The following SEMA5A variants were observed in gnomAD, a reference collection of about 807,000 sequenced individuals.
SEMA5A encodes semaphorin-5A.
In SEMA5A, 55 loss-of-function variants were observed where a neutral mutation model predicts 135.5. That is an observed-to-expected ratio of 0.41 (90% confidence interval 0.33 to 0.51). The LOEUF (loss-of-function observed/expected upper bound fraction) is 0.51, where lower values mean the gene tolerates loss of function less well. Among genes scored for constraint, SEMA5A ranks in the 20% least tolerant of loss-of-function variants. The pLI is 0.37. For missense variants in SEMA5A, 1,290 were observed against 1,419.9 expected, an observed-to-expected ratio of 0.91 and a Z score of 1.47; for synonymous variants, 580 against 546.5, an observed-to-expected ratio of 1.06 and a Z score of -0.85.
At chr5:9,393,754 C>A (rs1377125582) in intron 2 of SEMA5A, among the ~76,000 whole-genome samples, 1 of 152,116 alleles carries the variant, frequency 6.6e-6, no homozygotes, top group African/African-American at 2.4e-5. Flanking sequence ...AAAACCAGTT[C>A]AGTGTTTAAT....
chr5:9,264,288 G>A (rs1185518769), intron 5 of SEMA5A, among the ~76,000 whole-genome samples: 1 of 152,022 alleles, frequency 6.6e-6, no homozygotes, highest in Non-Finnish European at 1.5e-5. Context: ...AAAAAAGCAG[G>A]AGCCCAGAAG....
intron 5 of SEMA5A, among the ~76,000 whole-genome samples, chr5:9,305,523 G>A (rs1266999177): frequency 1.3e-5 from 2 of 151,732 alleles, no homozygotes; most frequent in African/African-American, 4.8e-5. Flanking sequence ...GCTTAATCTG[G>A]GTGGGATTTT....
chr5:9,330,315 G>A (rs1169965845), intron 4 of SEMA5A, among the ~76,000 whole-genome samples: 7 of 151,680 alleles, frequency 4.6e-5, no homozygotes, highest in African/African-American at 9.7e-5. Context: ...GCGTGAACCC[G>A]GGAGGCGGAG....
intron 2 of SEMA5A, among the ~76,000 whole-genome samples, chr5:9,391,851 C>A (rs2126530912): frequency 6.6e-6 from 1 of 152,284 alleles, no homozygotes; most frequent in African/African-American, 2.4e-5. Context: ...CAATAGATCT[C>A]TTTGCAACCT....
Position 9,036,962 on chromosome 5 carries a change from T to C in SEMA5A, c.*5935A>G, listed in dbSNP as rs1735685039. The C allele has an allele frequency of 6.6e-6, 1 of 152,384 alleles. No individual in the cohort carries two copies. Among genetic ancestry groups the C allele is most frequent in the South Asian group, 2.1e-4 (1 of 4,832 alleles). The allele number at this position is 152,384 out of a possible 1,614,324, so 9.4% of individuals were successfully genotyped here. A position where few individuals can be genotyped will look rare whatever the true frequency, so the allele number is the denominator to read the frequency against. On this transcript the variant is annotated 3_prime_UTR_variant, in exon 23 of 23. Transcript: ENST00000382496. ...GTCCAGATTTTGCTCTCAGCTTGTA[T>C]TTATCAAACATTTGAATCATTTTAT...
In SEMA5A at chr5:9,050,417, C is replaced by A. The variant is rs763583422; in HGVS notation, c.2886G>T (p.Arg962Ser). The change falls in exon 21 of 23, where the codon AGG (arginine) becomes AGT (serine). Residue 962 changes from arginine to serine, a missense_variant. Transcript: ENST00000382496. Reference sequence around the variant, plus strand: ...TTAAAAGGAATAACGTACCTCCACACCTTTTCTCTTCTACGCTACTGGATC... The same window carrying A: ...TTAAAAGGAATAACGTACCTCCACAACTTTTCTCTTCTACGCTACTGGATC... ...VARSSSVEEK[R>S]CGEFNMFHMI... 1.2e-6 allele frequency: 2 copies of A among 1,612,370 alleles called. No individual in the cohort carries two copies. Among genetic ancestry groups the A allele is most frequent in the African/African-American group, 1.3e-5 (1 of 75,014 alleles).
chr5:9,163,409 TG>T (rs1353403820), intron 11 of SEMA5A, among the ~76,000 whole-genome samples: 1 of 152,214 alleles, frequency 6.6e-6, no homozygotes, highest in Non-Finnish European at 1.5e-5. Flanking sequence ...AAATTAACCA[TG>T]TTTTTTGCTC....
chr5:9,107,152 CCTT>C (rs1310330877), intron 16 of SEMA5A, among the ~76,000 whole-genome samples: 1 of 152,208 alleles, frequency 6.6e-6, no homozygotes, highest in African/African-American at 2.4e-5. Context: ...TTTAGCCAGA[CCTT>C]CTCGTGCTGA....
chr5:9,163,173 C>T (rs546239785), intron 11 of SEMA5A, among the ~76,000 whole-genome samples: 1 of 152,090 alleles, frequency 6.6e-6, no homozygotes, highest in African/African-American at 2.4e-5. Flanking sequence ...GATCAGACTT[C>T]TCTATCAGGC....
intron 3 of SEMA5A, among the ~76,000 whole-genome samples, chr5:9,349,710 G>A (rs138900941): frequency 2.8e-3 from 420 of 152,152 alleles, no homozygotes; most frequent in South Asian, 5.4e-3. Flanking sequence ...GACCATCCTG[G>A]CTAACACAGT....
chr5:9,375,779 A>T (rs923327275), intron 3 of SEMA5A, among the ~76,000 whole-genome samples: 36 of 151,246 alleles, frequency 2.4e-4, no homozygotes, highest in African/African-American at 8.8e-4. Context: ...TGCCTTGAAC[A>T]CTCTGCAGTA....
intron 5 of SEMA5A, among the ~76,000 whole-genome samples, chr5:9,272,577 C>T (rs1356397431): frequency 6.6e-6 from 1 of 152,138 alleles, no homozygotes; most frequent in Non-Finnish European, 1.5e-5. Flanking sequence ...GAGACACCTC[C>T]CAGTAGGGGC....
chr5:9,482,593 G>A (rs752336597), intron 1 of SEMA5A, among the ~76,000 whole-genome samples: 12 of 152,174 alleles, frequency 7.9e-5, no homozygotes, highest in Admixed American at 2.0e-4. Flanking sequence ...ACCACCCATC[G>A]GAAGAAGCCC....
At chr5:9,446,007 A>C (rs1758420310) in intron 1 of SEMA5A, among the ~76,000 whole-genome samples, 1 of 152,244 alleles carries the variant, frequency 6.6e-6, no homozygotes, top group African/African-American at 2.4e-5. Flanking sequence ...GACAGTAGTC[A>C]CTGTGAATGG....
rs535626926 is a variant in SEMA5A, at chr5:9,373,810, T to C, written c.124+6013A>G. ...ACTCACATCACTGGTGGTCTTTCTT[T>C]GTGAATAATGTGAAATTGCTTCCCA... On this transcript the variant is annotated intron_variant, in intron 3 of 22. Transcript: ENST00000382496. 1.2e-3 allele frequency among the ~76,000 whole-genome samples: 181 copies of C among 152,342 alleles called. 2 individuals carry two copies. The South Asian group carries it at 0.036, about 30-fold the overall frequency.
chr5:9,238,844 G>A (rs935542948), intron 5 of SEMA5A, among the ~76,000 whole-genome samples: 1 of 151,870 alleles, frequency 6.6e-6, no homozygotes, highest in African/African-American at 2.4e-5. Context: ...AGGGATGTGC[G>A]GTAATTCAAT....
chr5:9,279,186 G>C (rs1232481161), intron 5 of SEMA5A, among the ~76,000 whole-genome samples: 1 of 152,224 alleles, frequency 6.6e-6, no homozygotes, highest in Admixed American at 6.5e-5. Flanking sequence ...CCTTGTGTTA[G>C]TGTGGCCTGG....
intron 8 of SEMA5A, among the ~76,000 whole-genome samples, chr5:9,208,041 C>G (rs10475460): frequency 0.097 from 14,810 of 152,166 alleles, 1,062 homozygotes; most frequent in African/African-American, 0.2. Context: ...TGTGAATTTA[C>G]TCACATTATT....
At chr5:9,149,766 A>G (rs931891774) in intron 12 of SEMA5A, among the ~76,000 whole-genome samples, 2 of 152,224 alleles carry the variant, frequency 1.3e-5, no homozygotes, top group Admixed American at 6.5e-5. Flanking sequence ...GAAGGCTATA[A>G]CATTTTCTTG....
Sources: allele counts gnomAD v4.1 joint callset (sites outside exome capture counted in the v4.1 genomes callset), GRCh38; gene constraint gnomAD v4.1.1; transcripts MANE v1.5; gene names NCBI Gene and HGNC (gene_info 2026-07-23, HGNC 2026-07-21).